Variants in CHD1L observed in about 807,000 individuals in gnomAD.
CHD1L encodes chromodomain helicase DNA binding protein 1 like.
A neutral mutation model predicts 115.9 loss-of-function variants in CHD1L; 118 were observed. The ratio of observed to expected loss-of-function variants is 1.02; its 90% CI spans 0.88 to 1.19. CHD1L has a LOEUF of 1.19. CHD1L is among the 50% of genes most tolerant of loss of function. CHD1L has a pLI of 0.00. For missense variants in CHD1L, 1,179 were observed against 1,065.3 expected, an observed-to-expected ratio of 1.11 and a Z score of -1.49; for synonymous variants, 411 against 387.1, an observed-to-expected ratio of 1.06 and a Z score of -0.72.
the CHD1L span, chr1:147,208,928 A>G: frequency 6.2e-7 from 1 of 1,614,124 alleles, no homozygotes; most frequent in Non-Finnish European, 8.5e-7. Context: ...TTGTTTGCTA[A>G]TGATTGGCCA....
the CHD1L span, among the ~76,000 whole-genome samples, chr1:147,205,754 C>T: frequency 6.6e-6 from 1 of 152,118 alleles, no homozygotes; most frequent in African/African-American, 2.4e-5. Flanking sequence ...ACACCTTATA[C>T]AAAAATTAAT....
the CHD1L span, chr1:147,204,966 T>G: frequency 2.3e-6 from 3 of 1,293,590 alleles, no homozygotes; most frequent in Non-Finnish European, 3.4e-6. Flanking sequence ...ACGTGACCGC[T>G]CAGAAGACCG....
At chr1:147,238,204 C>T (rs587667150), upstream of CHD1L, among the ~76,000 whole-genome samples, 18 of 152,298 alleles carry the variant, frequency 1.2e-4, no homozygotes, top group South Asian at 1.9e-3. Flanking sequence ...CAAAAATCTT[C>T]CACCCATGGG....
At chr1:147,291,775 G>A (rs1162748357) in intron 20 of CHD1L, among the ~76,000 whole-genome samples, 3 of 152,206 alleles carry the variant, frequency 2.0e-5, no homozygotes, top group Non-Finnish European at 2.9e-5. Flanking sequence ...GGTTTCTCCC[G>A]AGGATTCTCT....
the CHD1L span, among the ~76,000 whole-genome samples, chr1:147,233,826 G>A: frequency 1.3e-5 from 2 of 151,854 alleles, no homozygotes; most frequent in Non-Finnish European, 2.9e-5. Flanking sequence ...AACATGTGCT[G>A]TGTCCACTCA....
chr1:147,259,918 G>A lies in CHD1L; in HGVS notation c.576G>A (p.Glu192=). ...QSSLLHKTLS[E]FSVVFSLLLT... is the part of the protein sequence containing the mutation. The stretch of plus-strand genomic sequence containing the variant: ...CCCTGCTGCATAAGACCTTGTCAGA[G>A]GTAAACTTACAGTGTAGCCTTAGTT... Residue 192 remains glutamate (E), a splice_region_variant and synonymous_variant, in exon 6 of 23, where the codon GAG becomes GAA. Coordinates refer to ENST00000369258, the MANE Select transcript of CHD1L (RefSeq NM_004284.6). The A allele has an allele frequency of 6.2e-7, 1 of 1,611,724 alleles. No individual in the cohort carries two copies. Among genetic ancestry groups the A allele is most frequent in the South Asian group, 1.1e-5 (1 of 90,870 alleles).
intron 15 of CHD1L, 47 bp from the exon 16 acceptor site, chr1:147,284,300 CTATT>C (rs782344450): frequency 7.1e-7 from 1 of 1,412,286 alleles, no homozygotes. Context: ...TAGCATTAAT[CTATT>C]TTTCCTTGGT....
chr1:147,181,275 T>G, the CHD1L span, among the ~76,000 whole-genome samples: 4 of 152,314 alleles, frequency 2.6e-5, no homozygotes, highest in East Asian at 7.7e-4. Context: ...CCACCTTAAC[T>G]GATAAGAGTG....
chr1:147,207,797 G>T, the CHD1L span, among the ~76,000 whole-genome samples: 1 of 151,926 alleles, frequency 6.6e-6, no homozygotes, highest in African/African-American at 2.4e-5. Flanking sequence ...CCACCCTTAG[G>T]GCAAACTCCT....
chr1:147,254,775 C>G (rs894408658), intron 2 of CHD1L, 95 bp from the exon 3 acceptor site: 1 of 732,298 alleles, frequency 1.4e-6, no homozygotes, highest in African/African-American at 1.8e-5. Context: ...AAGTCTTAAA[C>G]AAGAGTGTGT....
At chr1:147,229,635 C>T in the CHD1L span, among the ~76,000 whole-genome samples, 15 of 152,074 alleles carry the variant, frequency 9.9e-5, no homozygotes, top group Non-Finnish European at 5.9e-5. Context: ...TTCTTCCTAC[C>T]CATGAGCATG....
chr1:147,200,981 G>C, the CHD1L span, among the ~76,000 whole-genome samples: 1 of 152,058 alleles, frequency 6.6e-6, no homozygotes, highest in South Asian at 2.1e-4. Context: ...GTATGTCCAT[G>C]GTTATAAATT....
At chr1:147,201,307 A>G in the CHD1L span, 1 of 1,614,146 alleles carries the variant, frequency 6.2e-7, no homozygotes, top group South Asian at 1.1e-5. Flanking sequence ...GACCACTTTG[A>G]CGGAATCTTC....
At chr1:147,262,895 CTTTAATGG>C (rs1391870339) in intron 6 of CHD1L, among the ~76,000 whole-genome samples, 18 of 152,060 alleles carry the variant, frequency 1.2e-4, no homozygotes, top group African/African-American at 4.3e-4. Context: ...TACATTAACA[CTTTAATGG>C]TTTAATGGTG....
chr1:147,187,184 C>T, the CHD1L span: 1 of 1,614,118 alleles, frequency 6.2e-7, no homozygotes, highest in South Asian at 1.1e-5. Flanking sequence ...ACCAAATCAG[C>T]AAGCTCTTCC....
the CHD1L span, among the ~76,000 whole-genome samples, chr1:147,197,121 T>C: frequency 1.3e-5 from 2 of 152,222 alleles, no homozygotes; most frequent in African/African-American, 4.8e-5. Flanking sequence ...TTCATTTTCC[T>C]TCATTCCTAT....
At chr1:147,251,419 A>G (rs1668368068) in intron 1 of CHD1L, among the ~76,000 whole-genome samples, 4 of 152,162 alleles carry the variant, frequency 2.6e-5, no homozygotes, top group Admixed American at 2.6e-4. Context: ...AAGTAAGTAT[A>G]CTCCCATCAG....
At chr1:147,271,891 G>T (rs1488742716) in intron 11 of CHD1L, among the ~76,000 whole-genome samples, 11 of 152,234 alleles carry the variant, frequency 7.2e-5, no homozygotes, top group African/African-American at 2.7e-4. Flanking sequence ...GCTCAGGGTT[G>T]CTTGAGAATA....
chr1:147,210,072 T>C, the CHD1L span: 4 of 152,188 alleles, frequency 2.6e-5, no homozygotes, highest in African/African-American at 9.7e-5. Flanking sequence ...TCATCTATAT[T>C]ACAACAACCT....
Sources: allele counts gnomAD v4.1 joint callset (sites outside exome capture counted in the v4.1 genomes callset), GRCh38; gene constraint gnomAD v4.1.1; transcripts MANE v1.5; gene names NCBI Gene and HGNC (gene_info 2026-07-23, HGNC 2026-07-21).